The following ARAP3 variants were observed in gnomAD, a reference collection of about 807,000 sequenced individuals.
The protein encoded by ARAP3 is arf-GAP with Rho-GAP domain, ANK repeat and PH domain-containing protein 3.
In ARAP3, 82 loss-of-function variants were observed where a neutral mutation model predicts 169.2. That is an observed-to-expected ratio of 0.48 (90% CI 0.41 to 0.58). The LOEUF (loss-of-function observed/expected upper bound fraction) is 0.58. Among genes scored for constraint, ARAP3 ranks in the 20% least tolerant of loss-of-function variants. ARAP3 has a pLI of 0.00. For synonymous variants in ARAP3, 791 were observed against 800.3 expected (o/e 0.99, Z 0.20); for missense variants, 1,764 against 2,018.0 (o/e 0.87, Z 2.41).
chr5:141,679,814 T>A lies in ARAP3; in HGVS notation c.533A>T (p.Asp178Val). Residue 178 changes from aspartate (D) to valine (V), a missense_variant, in exon 3 of 33, where the codon GAC becomes GTC. Physicochemically the swap from Asp to Val is radical, Grantham distance 152 (BLOSUM62 -3). Coordinates refer to ENST00000239440, the MANE Select transcript of ARAP3 (RefSeq NM_022481.6). ...GGTGGGGGCAGAGATTTGGGAGCTG[T>A]CTGGGGCCCTGAAGGGAAAGGTCTA... ...RAQAAQDKAP[D>V]SSQISAPTPA... is the part of the protein sequence containing the mutation. 1 of 1,612,494 alleles carries A rather than the reference T, an allele frequency of 6.2e-7. No homozygotes were observed. Among genetic ancestry groups the A allele is most frequent in the Middle Eastern group, 1.7e-4 (1 of 6,034 alleles).
At chr5:141,675,332 A>T (rs144845430) in intron 4 of ARAP3, among the ~76,000 whole-genome samples, 4 of 152,252 alleles carry the variant, frequency 2.6e-5, no homozygotes, top group African/African-American at 9.6e-5. Flanking sequence ...ATATCAGTAC[A>T]TGGGCTCCAC....
Position 141,679,968 on chromosome 5 carries a change from C to T in ARAP3, c.519G>A (p.Gln173=). 2 of 1,614,160 alleles carry T rather than the reference C, an allele frequency of 1.2e-6. No homozygotes were observed. Among genetic ancestry groups the T allele is most frequent in the Non-Finnish European group, 1.7e-6 (2 of 1,180,004 alleles). The change falls in exon 2 of 33, where the codon CAG becomes CAA. Residue 173 remains glutamine (Q), a synonymous_variant. Transcript: ENST00000239440. The part of the protein sequence containing the change: ...LDSRGRAQAA[Q]DKAPDSSQIS... ...AGGGAGCCAACTCCACTCACTTGTCCTGAGCTGCCTGTGCCCTGCCTCTTG... is the reference window on the plus strand; with the variant it reads ...AGGGAGCCAACTCCACTCACTTGTCTTGAGCTGCCTGTGCCCTGCCTCTTG...
In ARAP3 at chr5:141,654,447, T is replaced by C; in HGVS notation, c.4150-12A>G. The C allele has an allele frequency of 6.4e-7, 1 of 1,554,366 alleles. No individual in the cohort carries two copies. Among genetic ancestry groups the C allele is most frequent in the Non-Finnish European group, 8.7e-7 (1 of 1,151,234 alleles). Reference sequence around the variant, plus strand: ...GATGACTTCATTGGCTGGATGGGAATGGAATGGCAGGAGTGGGCACATAGT... The same window carrying C: ...GATGACTTCATTGGCTGGATGGGAACGGAATGGCAGGAGTGGGCACATAGT... On this transcript the variant is annotated splice_polypyrimidine_tract_variant and intron_variant, in intron 32 of 32. Transcript: ENST00000239440.
chr5:141,662,374 A>G (rs746059505), intron 19 of ARAP3, 119 bp from the exon 20 acceptor site: 1 of 939,294 alleles, frequency 1.1e-6, no homozygotes, highest in Non-Finnish European at 1.6e-6. Flanking sequence ...TTCAGAGAGG[A>G]GGAGATCTAT....
At chr5:141,677,730 T>G (rs1440215059) in intron 4 of ARAP3, among the ~76,000 whole-genome samples, 1 of 150,406 alleles carries the variant, frequency 6.6e-6, no homozygotes, top group African/African-American at 2.4e-5. Context: ...GTCCCTTATC[T>G]GGCCCCTTGT....
chr5:141,654,541 C>T (rs1006540635), intron 32 of ARAP3, 106 bp from the exon 33 acceptor site: 2 of 1,462,636 alleles, frequency 1.4e-6, no homozygotes, highest in Non-Finnish European at 1.8e-6. Context: ...CTGTAAAATA[C>T]TTGGCATGTA....
rs2099911662 is a variant in ARAP3 at position 141,673,115 on chromosome 5, C to T, written c.991G>A (p.Val331Met). 6.2e-7 allele frequency: 1 copy of T among 1,614,096 alleles called. No individual in the cohort carries two copies. Among genetic ancestry groups the T allele is most frequent in the South Asian group, 1.1e-5 (1 of 91,096 alleles). Residue 331 changes from valine to methionine, a missense_variant, in exon 7 of 33, where the codon GTG becomes ATG. By Grantham distance (21) the Val-to-Met change is conservative. Transcript: ENST00000239440. Reference sequence around the variant, plus strand: ...ATCTCAATGGCAGTCAAAGGTATCACACCCTTAGGGAAGGGGTCCTGGAGA... The same window carrying T: ...ATCTCAATGGCAGTCAAAGGTATCATACCCTTAGGGAAGGGGTCCTGGAGA... ...GSDKDPFPKG[V>M]IPLTAIEMTR...
intron 32 of ARAP3, 23 bp downstream of exon 32, chr5:141,655,339 G>A (rs368395538): frequency 2.8e-5 from 44 of 1,568,526 alleles, no homozygotes; most frequent in African/African-American, 4.1e-5. Flanking sequence ...CAGGCACACC[G>A]CTGGAGCAGG....
chr5:141,670,995 T>C lies in ARAP3; in HGVS notation c.1990+270A>G, dbSNP rs551542851. 5.9e-5 allele frequency among the ~76,000 whole-genome samples: 9 copies of C among 152,322 alleles called. 1 individual carries two copies. In the South Asian group the frequency reaches 1.7e-3, roughly 28 times the overall value. On this transcript the variant is annotated intron_variant, in intron 13 of 32. Transcript: ENST00000239440. ...TGATCACTTCTTTGAGAGATCACACTGTCTCCAGGGAGACTAGTCCTGACC... is the reference window on the plus strand; with the variant it reads ...TGATCACTTCTTTGAGAGATCACACCGTCTCCAGGGAGACTAGTCCTGACC...
At chr5:141,667,493 G>A (rs766220859) in intron 16 of ARAP3, among the ~76,000 whole-genome samples, 1 of 150,314 alleles carries the variant, frequency 6.7e-6, no homozygotes, top group South Asian at 2.1e-4. Flanking sequence ...GAGTACAGTG[G>A]CATGATCTCG....
chr5:141,671,338 A>T lies in ARAP3; in HGVS notation c.1917T>A (p.Val639=). The part of the protein sequence containing the change: ...LLKNMTQLLC[V]EAFEGEEPWF... ...AGGGCTCCTCGCCTTCAAAGGCCTC[A>T]ACACAGAGGAGCTGGGTCATGTTCT... Residue 639 remains valine, a synonymous_variant, in exon 13 of 33, where the codon GTT becomes GTA. Transcript: ENST00000239440. This position sits in a 1 kb window ranked among gnomAD's most constrained non-coding sequence, Gnocchi z 4.9. The T allele has an allele frequency of 6.2e-7, 1 of 1,613,814 alleles. No individual in the cohort carries two copies. The highest frequency in any genetic ancestry group is 8.5e-7 in the Non-Finnish European group (1 of 1,179,868).
At chr5:141,654,749 T>G (rs2099908980) in intron 32 of ARAP3, among the ~76,000 whole-genome samples, 1 of 151,914 alleles carries the variant, frequency 6.6e-6, no homozygotes, top group African/African-American at 2.4e-5. Flanking sequence ...TCCTTTTTTT[T>G]TTTTTTTGAG....
intron 1 of ARAP3, among the ~76,000 whole-genome samples, chr5:141,681,189 T>C (rs2099912926): frequency 6.6e-6 from 1 of 152,158 alleles, no homozygotes; most frequent in African/African-American, 2.4e-5. Context: ...GTCCCGGCCC[T>C]GGGTGGAGGC....
intron 16 of ARAP3, among the ~76,000 whole-genome samples, chr5:141,667,922 G>A (rs1396698969): frequency 1.3e-5 from 2 of 151,568 alleles, no homozygotes; most frequent in Admixed American, 6.6e-5. Context: ...TGCGCCTGTA[G>A]TCCCAGCTAC....
chr5:141,662,567 G>A (rs1282299500), intron 19 of ARAP3, among the ~76,000 whole-genome samples: 1 of 152,098 alleles, frequency 6.6e-6, no homozygotes, highest in Non-Finnish European at 1.5e-5. Context: ...TTCCATATCT[G>A]CACATTCTCC....
rs1562399202 is a variant in ARAP3, at chr5:141,653,864, G to A, written c.*86C>T. The A allele has an allele frequency of 1.3e-6, 2 of 1,489,766 alleles. No homozygotes were observed. The highest frequency in any genetic ancestry group is 4.6e-5 in the East Asian group (2 of 43,490). 92.3% of individuals were successfully genotyped at this position (1,489,766 alleles called of 1,614,324 possible). A position where few individuals can be genotyped will look rare whatever the true frequency, so the allele number is the denominator to read the frequency against. ...CACACTGGATTCTGGAGTCTTTCCAGCCAGGGCAGAGGAAGCTGCAACAGT... is the reference window on the plus strand; with the variant it reads ...CACACTGGATTCTGGAGTCTTTCCAACCAGGGCAGAGGAAGCTGCAACAGT... On this transcript the variant is annotated 3_prime_UTR_variant, in exon 33 of 33. Coordinates refer to ENST00000239440, the MANE Select transcript of ARAP3 (RefSeq NM_022481.6).
rs527268485 is a variant in ARAP3, at chr5:141,672,350, C to T, written c.1386-49G>A. On this transcript the variant is annotated intron_variant, in intron 9 of 32. Coordinates refer to ENST00000239440, the MANE Select transcript of ARAP3 (RefSeq NM_022481.6). This position sits in a 1 kb window ranked among gnomAD's most constrained non-coding sequence, Gnocchi z 4.9. ...TGGGCATGGACCTACCTGCCATGTC[C>T]CATCCCCCTGGCTCTTCCTGCAGGA... 2 of 1,603,684 alleles carry T rather than the reference C, an allele frequency of 1.2e-6. No homozygotes were observed. The highest frequency in any genetic ancestry group is 4.5e-5 in the East Asian group (2 of 44,632).
At position 141,673,818 on chromosome 5, in the gene ARAP3, G is replaced by A. The variant is rs2099911772; in HGVS notation, c.699-10C>T. 4 of 1,613,360 alleles carry A rather than the reference G, an allele frequency of 2.5e-6. No individual in the cohort carries two copies. Among genetic ancestry groups the A allele is most frequent in the Non-Finnish European group, 3.4e-6 (4 of 1,179,848 alleles). On this transcript the variant is annotated splice_polypyrimidine_tract_variant and intron_variant, in intron 4 of 32. Coordinates refer to ENST00000239440, the MANE Select transcript of ARAP3 (RefSeq NM_022481.6). ...ATCCTGTCTGCTGAGCCTTGTGGGG[G>A]CCAAGACAGGGAGGGACACACATTA...
At chr5:141,660,037 T>A (rs1416233104) in intron 21 of ARAP3, 111 bp from the exon 22 acceptor site, 1 of 1,385,874 alleles carries the variant, frequency 7.2e-7, no homozygotes, top group Non-Finnish European at 9.6e-7. Context: ...AGTAAGATAA[T>A]ATTGGCCTCA....
Sources: gnomAD v4.1 joint callset for allele counts (sites outside exome capture counted in the v4.1 genomes callset) on GRCh38, gnomAD v4.1.1 for gene constraint, Gnocchi (gnomAD v3.1) non-coding constraint, MANE v1.5 for transcripts, NCBI Gene and HGNC (gene_info 2026-07-23, HGNC 2026-07-21) for gene names.